GUCY2F: variants seen among roughly 807,000 people sequenced by gnomAD.
GUCY2F encodes the protein retinal guanylyl cyclase 2.
A neutral mutation model predicts 73.1 loss-of-function variants in GUCY2F; 61 were observed. The observed-to-expected ratio is 0.83, with a 90% CI of 0.68 to 1.03. The LOEUF is 1.03. Ranked by LOEUF, GUCY2F falls within the 50% of genes least tolerant of loss-of-function variation. The probability of loss-of-function intolerance (pLI) is 0.00; values close to 1 mark genes in which losing one functional copy is unlikely to be tolerated. For missense variants in GUCY2F, 912 were observed against 854.3 expected (o/e 1.07, Z -0.84); for synonymous variants, 331 against 307.8 (o/e 1.08, Z -0.79).
At position 109,402,205 on chromosome X, in the gene GUCY2F, GAGAGAC is replaced by G. The variant is rs941282243; in HGVS notation, c.2125+2117_2125+2122del. Among the ~76,000 whole-genome samples the G allele has an allele frequency of 2.1e-4, 23 of 110,666 alleles. No homozygotes were observed. The East Asian group carries it at 6.3e-3, about 30-fold the overall frequency. On this transcript the variant is annotated intron_variant, in intron 10 of 19. Transcript: ENST00000218006. ...GAGAATGGAGTAATATGATAAGAGGGAGAGACAGAGACAGAGACAGAGGAGACAGAC... is the reference window on the plus strand; with the variant it reads ...GAGAATGGAGTAATATGATAAGAGGGAGAGACAGAGACAGAGGAGACAGAC...
At chrX:109,434,570 G>T (rs1029962112) in intron 7 of GUCY2F, among the ~76,000 whole-genome samples, 2 of 110,116 alleles carry the variant, frequency 1.8e-5, no homozygotes, top group African/African-American at 6.7e-5. Context: ...CTCCCATTTT[G>T]CAGGTTGCCT....
At chrX:109,466,459 T>C (rs1382471934) in intron 2 of GUCY2F, among the ~76,000 whole-genome samples, 1 of 111,745 alleles carries the variant, frequency 8.9e-6, no homozygotes, top group African/African-American at 3.3e-5. Flanking sequence ...TGAAACTATG[T>C]TGTTTGGCAA....
rs1443598633 is a variant in GUCY2F, at chrX:109,441,945, G to A, written c.1570-463C>T. On this transcript the variant is annotated intron_variant, in intron 6 of 19. Transcript: ENST00000218006. ...CAGCATCCCACCTTGCTGACTCTCA[G>A]GAGTGGCTCTTTTTGTGATACTATG... is the stretch of plus-strand genomic sequence containing the variant. Among the ~76,000 whole-genome samples, 12 of 111,938 alleles carry A rather than the reference G, an allele frequency of 1.1e-4. No individual in the cohort carries two copies. In the Admixed American group the frequency reaches 1.1e-3, roughly 11 times the overall value.
intron 3 of GUCY2F, among the ~76,000 whole-genome samples, chrX:109,463,184 G>A (rs896918060): frequency 2.7e-5 from 3 of 111,414 alleles, no homozygotes; most frequent in African/African-American, 9.8e-5. Flanking sequence ...TGAAATAAAG[G>A]ACAGATAAAA....
intron 17 of GUCY2F, among the ~76,000 whole-genome samples, chrX:109,379,394 AT>A (rs754114530): frequency 9.1e-6 from 1 of 110,496 alleles, no homozygotes; most frequent in Non-Finnish European, 1.9e-5. Flanking sequence ...CAAAAAAAAA[AT>A]GTTAAGTATT....
At chrX:109,379,487 A>G (rs959996766) in intron 17 of GUCY2F, among the ~76,000 whole-genome samples, 6 of 112,473 alleles carry the variant, frequency 5.3e-5, no homozygotes, top group African/African-American at 1.9e-4. Flanking sequence ...TGTACCCCAT[A>G]AAGTACACAA....
chrX:109,401,560 C>T, intron 10 of GUCY2F, among the ~76,000 whole-genome samples: 1 of 112,012 alleles, frequency 8.9e-6, no homozygotes, highest in African/African-American at 3.2e-5. Flanking sequence ...GTTGATTCAA[C>T]AAATATTCTG....
chrX:109,398,769 T>TTG, intron 10 of GUCY2F, 71 bp from the exon 11 acceptor site: 1 of 963,319 alleles, frequency 1.0e-6, no homozygotes, highest in Non-Finnish European at 1.5e-6. Context: ...CCTCAAGGGC[T>TTG]CAGAGGGTAC....
At chrX:109,376,910 C>T (rs960653054) in intron 17 of GUCY2F, among the ~76,000 whole-genome samples, 2 of 111,712 alleles carry the variant, frequency 1.8e-5, no homozygotes, top group African/African-American at 3.3e-5. Context: ...TTCATCTGTT[C>T]TCTCATTTCC....
intron 19 of GUCY2F, among the ~76,000 whole-genome samples, chrX:109,374,518 T>C (rs1930131293): frequency 8.9e-6 from 1 of 111,942 alleles, no homozygotes; most frequent in South Asian, 3.7e-4. Flanking sequence ...TGCTGCAAAC[T>C]CCAACACATT....
chrX:109,398,914 G>A (rs755585537), intron 10 of GUCY2F, among the ~76,000 whole-genome samples: 1 of 111,819 alleles, frequency 8.9e-6, no homozygotes, highest in Admixed American at 9.5e-5. Context: ...CCAGGACCAC[G>A]CAGGCAGACA....
At chrX:109,374,025 C>T (rs189282017) in intron 19 of GUCY2F, among the ~76,000 whole-genome samples, 40 of 112,346 alleles carry the variant, frequency 3.6e-4, no homozygotes, top group African/African-American at 1.3e-3. Flanking sequence ...TCCTCAACAT[C>T]TCTTATGATG....
At chrX:109,454,987 T>G (rs1446877119) in intron 3 of GUCY2F, among the ~76,000 whole-genome samples, 1 of 112,004 alleles carries the variant, frequency 8.9e-6, no homozygotes, top group African/African-American at 3.2e-5. Context: ...GAATCATTTT[T>G]TATTAGAAAT....
chrX:109,396,963 G>A (rs1411271552), intron 11 of GUCY2F, among the ~76,000 whole-genome samples: 2 of 112,270 alleles, frequency 1.8e-5, no homozygotes, highest in African/African-American at 6.5e-5. Context: ...CTTAGGCACA[G>A]CATGATTCAT....
intron 6 of GUCY2F, among the ~76,000 whole-genome samples, chrX:109,443,361 A>G (rs1218634101): frequency 9.0e-6 from 1 of 111,701 alleles, no homozygotes; most frequent in Admixed American, 9.5e-5. Flanking sequence ...CCCATCCCTT[A>G]TAAGAGTATA....
chrX:109,376,957 G>A (rs1485378892), intron 17 of GUCY2F, among the ~76,000 whole-genome samples: 2 of 111,926 alleles, frequency 1.8e-5, no homozygotes, highest in African/African-American at 6.5e-5. Context: ...TACCAAGACT[G>A]AGAAAAGTAA....
Position 109,441,361 on chromosome X carries a change from G to A in GUCY2F, c.1691C>T (p.Ala564Val), listed in dbSNP as rs1200914471. 5.3e-6 allele frequency: 6 copies of A among 1,138,119 alleles called. No individual in the cohort carries two copies. The highest frequency in any genetic ancestry group is 3.1e-5 in the East Asian group (1 of 32,194). 93.8% of individuals were successfully genotyped at this position (1,138,119 alleles called of 1,213,427 possible). Residue 564 changes from alanine (A) to valine (V), a missense_variant, in exon 7 of 20, where the codon GCG (alanine) becomes GTG (valine). Ala to Val is a moderately conservative substitution (Grantham distance 64, BLOSUM62 0). Transcript: ENST00000218006. ...TGTTGAATATCTTACCTCATAAATC[G>A]CTATGTTGGAGTTTTCATAGGTAGC... ...TPATYENSNI[A>V]IYEGDWVWLK...
At chrX:109,397,311 A>G (rs1813311895) in intron 11 of GUCY2F, among the ~76,000 whole-genome samples, 1 of 111,613 alleles carries the variant, frequency 9.0e-6, no homozygotes, top group African/African-American at 3.3e-5. Context: ...CTTGTATGTC[A>G]TGGGAGGAGT....
At chrX:109,406,163 G>GA (rs1930968925) in intron 9 of GUCY2F, among the ~76,000 whole-genome samples, 1 of 111,791 alleles carries the variant, frequency 8.9e-6, no homozygotes, top group African/African-American at 3.3e-5. Flanking sequence ...GGGATCCCCA[G>GA]AAGCTCCTCC....
Sources: gnomAD v4.1 joint callset for allele counts (sites outside exome capture counted in the v4.1 genomes callset) on GRCh38, gnomAD v4.1.1 for gene constraint, MANE v1.5 for transcripts, NCBI Gene and HGNC (gene_info 2026-07-23, HGNC 2026-07-21) for gene names.